The following ANKS1B variants were observed in gnomAD, a reference collection of about 807,000 sequenced individuals.
ANKS1B encodes ankyrin repeat and sterile alpha motif domain containing 1B.
In ANKS1B, 36 loss-of-function variants were observed where a neutral mutation model predicts 148.3. That is an observed-to-expected ratio of 0.24 (90% CI 0.19 to 0.32). ANKS1B has a LOEUF of 0.32. Among genes scored for constraint, ANKS1B ranks in the 10% least tolerant of loss-of-function variants. The probability of loss-of-function intolerance (pLI) is 1.00; values close to 1 mark genes in which losing one functional copy is unlikely to be tolerated. For synonymous variants in ANKS1B, 542 were observed against 560.8 expected (o/e 0.97, Z 0.47); for missense variants, 1,157 against 1,542.6 (o/e 0.75, Z 4.19).
chr12:99,241,779 C>G (rs185077575), intron 14 of ANKS1B, among the ~76,000 whole-genome samples: 243 of 152,282 alleles, frequency 1.6e-3, no homozygotes, highest in Non-Finnish European at 2.9e-3. Flanking sequence ...ATCACATAAA[C>G]AGAACCAACA....
chr12:99,379,679 C>A (rs1419716153), intron 12 of ANKS1B, among the ~76,000 whole-genome samples: 1 of 152,154 alleles, frequency 6.6e-6, no homozygotes, highest in Admixed American at 6.5e-5. Flanking sequence ...AAGCTAGAAT[C>A]TTCTGCCACT....
chr12:99,881,972 G>C (rs2092531675), intron 1 of ANKS1B, among the ~76,000 whole-genome samples: 1 of 152,132 alleles, frequency 6.6e-6, no homozygotes, highest in Non-Finnish European at 1.5e-5. Context: ...AGACATCAAT[G>C]CCAAGATGAT....
intron 14 of ANKS1B, among the ~76,000 whole-genome samples, chr12:99,171,331 T>C (rs2077733803): frequency 6.6e-6 from 1 of 152,098 alleles, no homozygotes; most frequent in African/African-American, 2.4e-5. Flanking sequence ...TTCCTCCTGA[T>C]AAAAGGATAG....
At chr12:99,813,204 C>T (rs961492355) in intron 2 of ANKS1B, among the ~76,000 whole-genome samples, 8 of 151,508 alleles carry the variant, frequency 5.3e-5, no homozygotes, top group African/African-American at 1.9e-4. Context: ...AAAATCCTGA[C>T]CTGCATTACT....
chr12:99,667,353 A>AAAAGAAAAGAAAAGAAAAGAAAAG (rs374474811), intron 8 of ANKS1B, among the ~76,000 whole-genome samples: 10 of 148,080 alleles, frequency 6.8e-5, no homozygotes, highest in African/African-American at 2.3e-4. Flanking sequence ...TGTCTCAAAA[A>AAAAGAAAAGAAAAGAAAAGAAAAG]AAAAGAAAAG....
chr12:98,835,395 G>T (rs1028445232), intron 17 of ANKS1B, among the ~76,000 whole-genome samples: 7 of 152,144 alleles, frequency 4.6e-5, no homozygotes, highest in African/African-American at 1.7e-4. Flanking sequence ...CCAGTGAATG[G>T]GTTCTGAGGG....
chr12:99,463,455 G>A (rs890065852), intron 10 of ANKS1B, among the ~76,000 whole-genome samples: 1 of 152,198 alleles, frequency 6.6e-6, no homozygotes, highest in Non-Finnish European at 1.5e-5. Context: ...AGTGGGTGCA[G>A]CACACCGTGC....
At chr12:98,743,454 G>A (rs2153354836), downstream of ANKS1B, among the ~76,000 whole-genome samples, 1 of 152,234 alleles carries the variant, frequency 6.6e-6, no homozygotes, top group Admixed American at 6.5e-5. Flanking sequence ...CCCTGCCCAT[G>A]GTTATTGAAG....
chr12:99,623,012 T>C (rs921485862), intron 9 of ANKS1B, among the ~76,000 whole-genome samples: 10 of 152,172 alleles, frequency 6.6e-5, no homozygotes, highest in African/African-American at 2.4e-4. Flanking sequence ...AACAAAATAC[T>C]AGCAAACTGA....
intron 25 of ANKS1B, 43 bp downstream of exon 25, chr12:98,772,993 GGCCCAT>G: frequency 1.2e-6 from 2 of 1,609,230 alleles, no homozygotes; most frequent in Non-Finnish European, 8.5e-7. Context: ...ATACAGTCCA[GGCCCAT>G]TCTGCAAAGT....
chr12:99,523,796 C>T (rs1333621152), intron 9 of ANKS1B, among the ~76,000 whole-genome samples: 1 of 152,144 alleles, frequency 6.6e-6, no homozygotes, highest in Non-Finnish European at 1.5e-5. Context: ...TTGTGATCCA[C>T]CTGCCTCAGC....
At chr12:99,211,601 G>T (rs2083354050) in intron 14 of ANKS1B, among the ~76,000 whole-genome samples, 1 of 152,150 alleles carries the variant, frequency 6.6e-6, no homozygotes, top group South Asian at 2.1e-4. Flanking sequence ...AACTGAATTT[G>T]TTATAATTTT....
At chr12:99,239,130 A>G (rs1831305096) in intron 14 of ANKS1B, among the ~76,000 whole-genome samples, 1 of 152,214 alleles carries the variant, frequency 6.6e-6, no homozygotes, top group Non-Finnish European at 1.5e-5. Flanking sequence ...GAGCTAAAGG[A>G]TCATATTCTA....
chr12:99,306,746 C>A lies in ANKS1B; in HGVS notation c.1757-59882G>T, dbSNP rs73383310. ...ACTTTGTTAAAGCTGCATCTCTTTG[C>A]AAACCAGCTTGGTTAAATTTCCTAT... On this transcript the variant is annotated intron_variant, in intron 12 of 26. Coordinates refer to ENST00000683438, the MANE Select transcript of ANKS1B (RefSeq NM_001352186.2). Among the ~76,000 whole-genome samples the A allele has an allele frequency of 6.8e-3, 1,036 of 152,240 alleles. 14 individuals are homozygous for A. Among genetic ancestry groups the A allele is most frequent in the African/African-American group, 0.024 (982 of 41,558 alleles).
chr12:99,721,871 A>C (rs1862174386), intron 8 of ANKS1B, among the ~76,000 whole-genome samples: 1 of 152,272 alleles, frequency 6.6e-6, no homozygotes, highest in South Asian at 2.1e-4. Flanking sequence ...CTTGAAGGAA[A>C]TTAAAAGTGC....
At chr12:99,437,613 A>T (rs2095483148) in intron 11 of ANKS1B, among the ~76,000 whole-genome samples, 1 of 151,832 alleles carries the variant, frequency 6.6e-6, no homozygotes, top group Non-Finnish European at 1.5e-5. Flanking sequence ...TAAAACCACC[A>T]CCCAGAGCAC....
intron 9 of ANKS1B, among the ~76,000 whole-genome samples, chr12:99,574,252 C>A (rs1360950205): frequency 6.6e-6 from 1 of 152,080 alleles, no homozygotes; most frequent in Non-Finnish European, 1.5e-5. Flanking sequence ...CTGTATTGTT[C>A]CCGAGAGCAC....
intron 12 of ANKS1B, among the ~76,000 whole-genome samples, chr12:99,358,842 G>T (rs2092255409): frequency 6.6e-6 from 1 of 152,126 alleles, no homozygotes; most frequent in Non-Finnish European, 1.5e-5. Flanking sequence ...CCCTTATGGA[G>T]CTAAAAGAAT....
intron 17 of ANKS1B, among the ~76,000 whole-genome samples, chr12:98,881,685 C>T (rs747503653): frequency 1.1e-4 from 16 of 152,006 alleles, no homozygotes; most frequent in Non-Finnish European, 2.2e-4. Context: ...GGAAATTGTA[C>T]CATAATTTCT....
Sources: gnomAD v4.1 joint callset for allele counts (sites outside exome capture counted in the v4.1 genomes callset) on GRCh38, gnomAD v4.1.1 for gene constraint, MANE v1.5 for transcripts, NCBI Gene and HGNC (gene_info 2026-07-23, HGNC 2026-07-21) for gene names.